ERF: variants seen among roughly 807,000 people sequenced by gnomAD.
The protein encoded by ERF is ETS domain-containing transcription factor ERF.
ERF carries 10 observed loss-of-function variants against 41.6 expected under a neutral mutation model. The observed-to-expected ratio is 0.24, with a 90% confidence interval of 0.15 to 0.41. The LOEUF is 0.41. ERF is among the 10% of genes least tolerant of loss of function. The probability of loss-of-function intolerance (pLI) is 1.00; values close to 1 mark genes in which losing one functional copy is unlikely to be tolerated. For synonymous variants in ERF, 395 were observed against 342.4 expected (o/e 1.15, Z -1.70); for missense variants, 621 against 763.2 (o/e 0.81, Z 2.19).
chr19:42,251,253 G>T, intron 1 of ERF: 2 of 986,034 alleles, frequency 2.0e-6, no homozygotes, highest in Non-Finnish European at 2.4e-6. Flanking sequence ...AGGCATCCAG[G>T]CCCCACCTGG....
At chr19:42,252,010 T>C (rs997179248) in intron 1 of ERF, among the ~76,000 whole-genome samples, 8 of 152,138 alleles carry the variant, frequency 5.3e-5, no homozygotes, top group African/African-American at 1.9e-4. Context: ...CCCTGTTCCA[T>C]TTAAAAGTGA....
In ERF at chr19:42,249,553, T is replaced by C; in HGVS notation, c.559A>G (p.Ser187Gly). ...TCTGACGTGCCATCACTACAGTCAC[T>C]GACTGAGCCTCGGCCCAGGCGGCGG... ...VARRLGRGSVSDCSDGTSELE... is the reference protein window; with the variant it reads ...VARRLGRGSVGDCSDGTSELE... The change falls in exon 4 of 4, where the codon AGT becomes GGT. Residue 187 changes from serine (S) to glycine (G), a missense_variant. By Grantham distance (56) the Ser-to-Gly change is moderately conservative. Around this residue, in one of 3 missense-constraint regions of ERF, gnomAD observed 569 missense variants for 625.5 expected, o/e 0.91. Coordinates refer to ENST00000222329, the MANE Select transcript of ERF (RefSeq NM_006494.4). This position sits in a 1 kb window ranked among gnomAD's most constrained non-coding sequence, Gnocchi z 8.6. 1 of 1,613,350 alleles carries C rather than the reference T, an allele frequency of 6.2e-7. No individual in the cohort carries two copies. Among genetic ancestry groups the C allele is most frequent in the Non-Finnish European group, 8.5e-7 (1 of 1,179,938 alleles).
Position 42,250,301 on chromosome 19 carries a change from T to C in ERF, c.257+30A>G, listed in dbSNP as rs2036422863. The C allele has an allele frequency of 1.2e-6, 2 of 1,607,414 alleles. No individual in the cohort carries two copies. The highest frequency in any genetic ancestry group is 1.7e-5 in the Admixed American group (1 of 59,698). On this transcript the variant is annotated intron_variant, in intron 2 of 3. Coordinates refer to ENST00000222329, the MANE Select transcript of ERF (RefSeq NM_006494.4). This position sits in a 1 kb window ranked among gnomAD's most constrained non-coding sequence, Gnocchi z 5.1. Reference sequence around the variant, plus strand: ...TGCAACCCCGGGGGGGCACTCCACATGTGCTCAGGGGTCCCCAGCCCGTCC... The same window carrying C: ...TGCAACCCCGGGGGGGCACTCCACACGTGCTCAGGGGTCCCCAGCCCGTCC...
Position 42,250,269 on chromosome 19 carries a change from G to T in ERF, c.257+62C>A. The T allele has an allele frequency of 6.4e-7, 1 of 1,562,850 alleles. No individual in the cohort carries two copies. Reference sequence around the variant, plus strand: ...ACCCAATGCTTGTTCCCACAGGCAAGGGGCTGTGCAACCCCGGGGGGGCAC... The same window carrying T: ...ACCCAATGCTTGTTCCCACAGGCAATGGGCTGTGCAACCCCGGGGGGGCAC... On this transcript the variant is annotated intron_variant, in intron 2 of 3. Coordinates refer to ENST00000222329, the MANE Select transcript of ERF (RefSeq NM_006494.4). This position sits in a 1 kb window ranked among gnomAD's most constrained non-coding sequence, Gnocchi z 5.1.
chr19:42,251,203 A>G (rs1252953382), intron 1 of ERF: 1 of 984,370 alleles, frequency 1.0e-6, no homozygotes, highest in Admixed American at 6.2e-5. Context: ...AGGCCCCCCA[A>G]GCCCTGGACC....
At chr19:42,252,440 G>GGAGCAGGA (rs1278864901) in intron 1 of ERF, among the ~76,000 whole-genome samples, 3 of 152,110 alleles carry the variant, frequency 2.0e-5, no homozygotes, top group Non-Finnish European at 4.4e-5. Context: ...TGGGAGCGGG[G>GGAGCAGGA]GAGCAGGAGG....
rs1208479276 is a variant in ERF, at chr19:42,253,928, T to TCCCCCTC, written c.22+1043_22+1049dup. On this transcript the variant is annotated intron_variant, in intron 1 of 3. Coordinates refer to ENST00000222329, the MANE Select transcript of ERF (RefSeq NM_006494.4). Reference sequence around the variant, plus strand: ...TTTGAACAGCGGCGCCCGGCCCCCTTCCCCCTCCCCCGTCCCCGCCCCGGG... The same window carrying TCCCCCTC: ...TTTGAACAGCGGCGCCCGGCCCCCTTCCCCCTCCCCCCTCCCCCGTCCCCGCCCCGGG... The TCCCCCTC allele has an allele frequency of 4.9e-5, 51 of 1,035,390 alleles. No individual in the cohort carries two copies. In the East Asian group the frequency reaches 4.8e-3, roughly 98 times the overall value. 64.1% of individuals were successfully genotyped at this position (1,035,390 alleles called of 1,614,324 possible).
rs1228316460 is a variant in ERF at position 42,249,537 on chromosome 19, C to A, written c.575G>T (p.Gly192Val). The A allele has an allele frequency of 6.2e-7, 1 of 1,613,286 alleles. No homozygotes were observed. Among genetic ancestry groups the A allele is most frequent in the Non-Finnish European group, 8.5e-7 (1 of 1,179,974 alleles). Residue 192 changes from glycine to valine, a missense_variant, in exon 4 of 4, where the codon GGC (glycine) becomes GTC (valine). Coordinates refer to ENST00000222329, the MANE Select transcript of ERF (RefSeq NM_006494.4). This position sits in a 1 kb window ranked among gnomAD's most constrained non-coding sequence, Gnocchi z 8.6. Reference sequence around the variant, plus strand: ...CAGCGGTTCCTCCAGCTCTGACGTGCCATCACTACAGTCACTGACTGAGCC... The same window carrying A: ...CAGCGGTTCCTCCAGCTCTGACGTGACATCACTACAGTCACTGACTGAGCC... ...GRGSVSDCSD[G>V]TSELEEPLGE... is the part of the protein sequence containing the mutation.
chr19:42,254,937 G>T (rs759941619), intron 1 of ERF, 41 bp downstream of exon 1: 1 of 1,518,372 alleles, frequency 6.6e-7, no homozygotes, highest in East Asian at 2.7e-5. Context: ...CGGTTTCCCG[G>T]GGCAACAAGT....
intron 1 of ERF, among the ~76,000 whole-genome samples, chr19:42,252,079 G>C (rs1463902153): frequency 2.6e-5 from 4 of 152,170 alleles, no homozygotes; most frequent in Non-Finnish European, 5.9e-5. Context: ...TGGGAATCTA[G>C]GTGTTCAACC....
intron 1 of ERF, among the ~76,000 whole-genome samples, chr19:42,252,969 C>G (rs905716318): frequency 2.0e-5 from 3 of 151,614 alleles, no homozygotes; most frequent in African/African-American, 4.9e-5. Context: ...GAGAGGGGTT[C>G]AGGAGACTGC....
Position 42,250,119 on chromosome 19 carries a change from G to A in ERF, c.258-177C>T, listed in dbSNP as rs2036419517. On this transcript the variant is annotated intron_variant, in intron 2 of 3. Transcript: ENST00000222329. The surrounding 1 kb of genome is among the most constrained non-coding windows in gnomAD (Gnocchi z 5.1). ...AGCTCTCTCCTCACATCTAAGGCAG[G>A]ACTAGAGGATCCACTGGTGACTGTA... 4.0e-6 allele frequency: 3 copies of A among 751,116 alleles called. No individual in the cohort carries two copies. Among genetic ancestry groups the A allele is most frequent in the African/African-American group, 1.7e-5 (1 of 57,366 alleles). The allele number at this position is 751,116 out of a possible 1,614,324, so 46.5% of individuals were successfully genotyped here. A position where few individuals can be genotyped will look rare whatever the true frequency, so the allele number is the denominator to read the frequency against.
In ERF at chr19:42,250,676, C is replaced by T. The variant is rs1312456944; in HGVS notation, c.23-111G>A. The T allele has an allele frequency of 4.9e-6, 5 of 1,020,188 alleles. No homozygotes were observed. The highest frequency in any genetic ancestry group is 2.6e-5 in the East Asian group (1 of 38,554). 63.2% of individuals were successfully genotyped at this position (1,020,188 alleles called of 1,614,324 possible). A position where few individuals can be genotyped will look rare whatever the true frequency, so the allele number is the denominator to read the frequency against. On this transcript the variant is annotated intron_variant, in intron 1 of 3. Coordinates refer to ENST00000222329, the MANE Select transcript of ERF (RefSeq NM_006494.4). The surrounding 1 kb of genome is among the most constrained non-coding windows in gnomAD (Gnocchi z 5.1). Reference sequence around the variant, plus strand: ...GCCTTCAACATGGGGAAATCTGTCTCACCTCAGCCAAGTCAAGATCTGATT... The same window carrying T: ...GCCTTCAACATGGGGAAATCTGTCTTACCTCAGCCAAGTCAAGATCTGATT...
Position 42,254,990 on chromosome 19 carries a change from G to C in ERF, c.10C>G (p.Pro4Ala). 2 of 1,469,952 alleles carry C rather than the reference G, an allele frequency of 1.4e-6. No homozygotes were observed. The highest frequency in any genetic ancestry group is 1.8e-6 in the Non-Finnish European group (2 of 1,117,258). 91.1% of individuals were successfully genotyped at this position (1,469,952 alleles called of 1,614,324 possible). Residue 4 changes from proline (P) to alanine (A), a missense_variant, in exon 1 of 4, where the codon CCG becomes GCG. Physicochemically the swap from Pro to Ala is conservative, Grantham distance 27 (BLOSUM62 -1). Coordinates refer to ENST00000222329, the MANE Select transcript of ERF (RefSeq NM_006494.4). The stretch of plus-strand genomic sequence containing the variant: ...CCCCCGCCCCCACCTGTGTCCGCCG[G>C]GGTCTTCATGCTGGGGGGCCCGGGG... MKT[P>A]ADTGFAFPDW...
rs761317453 is a variant in ERF at position 42,250,963 on chromosome 19, G to A, written c.23-398C>T. ...CAGCTTACCCCCACTCCCATTCAGAGCCAGTTGCACCACCCCAGCTCCTCG... is the reference window on the plus strand; with the variant it reads ...CAGCTTACCCCCACTCCCATTCAGAACCAGTTGCACCACCCCAGCTCCTCG... On this transcript the variant is annotated intron_variant, in intron 1 of 3. Coordinates refer to ENST00000222329, the MANE Select transcript of ERF (RefSeq NM_006494.4). This position sits in a 1 kb window ranked among gnomAD's most constrained non-coding sequence, Gnocchi z 5.1. 2.0e-5 allele frequency among the ~76,000 whole-genome samples: 3 copies of A among 152,108 alleles called. No homozygotes were observed. Among genetic ancestry groups the A allele is most frequent in the Middle Eastern group, 3.2e-3 (1 of 316 alleles).
chr19:42,251,442 T>TGGGGTGG (rs374697713), intron 1 of ERF: 5 of 65,604 alleles, frequency 7.6e-5, no homozygotes, highest in East Asian at 2.8e-3. Flanking sequence ...GTGGGCAGCC[T>TGGGGTGG]GGGGTGGGGG....
intron 1 of ERF, 89 bp downstream of exon 1, chr19:42,254,889 C>T: frequency 7.1e-7 from 1 of 1,400,312 alleles, no homozygotes; most frequent in South Asian, 1.4e-5. Flanking sequence ...CACTCGGGCT[C>T]CCCCGGACCC....
At chr19:42,253,352 C>G (rs979812211) in intron 1 of ERF, among the ~76,000 whole-genome samples, 2 of 152,094 alleles carry the variant, frequency 1.3e-5, no homozygotes, top group African/African-American at 4.8e-5. Context: ...TGCGGAGCGG[C>G]AGGCCAGGAG....
intron 1 of ERF, chr19:42,251,145 C>T (rs1018217707): frequency 8.5e-5 from 77 of 900,902 alleles, no homozygotes; most frequent in Non-Finnish European, 9.2e-5. Flanking sequence ...CGCTTGCACA[C>T]ACAGAGGCTT....
Sources: allele counts gnomAD v4.1 joint callset (sites outside exome capture counted in the v4.1 genomes callset), GRCh38; gene constraint gnomAD v4.1.1; regional missense constraint gnomAD v4.1.1; non-coding constraint Gnocchi (gnomAD v3.1); transcripts MANE v1.5; gene names NCBI Gene and HGNC (gene_info 2026-07-23, HGNC 2026-07-21).